Variants in PCDHA1 observed in about 807,000 individuals in gnomAD.
The protein encoded by PCDHA1 is protocadherin alpha-1.
Under a neutral mutation model 61.3 loss-of-function variants are expected in PCDHA1, and 42 were observed. The observed-to-expected ratio is 0.69, with a 90% CI of 0.54 to 0.89. The LOEUF (loss-of-function observed/expected upper bound fraction) is 0.89. PCDHA1 is among the 40% of genes least tolerant of loss of function. The pLI, the probability that PCDHA1 is intolerant of heterozygous loss-of-function variation, is 0.00. For synonymous variants in PCDHA1, 610 were observed against 553.8 expected (o/e 1.10, Z -1.43); for missense variants, 1,256 against 1,235.3 (o/e 1.02, Z -0.25).
intron 1 of PCDHA1, chr5:140,881,499 C>A: frequency 3.8e-6 from 1 of 261,884 alleles, no homozygotes; most frequent in Non-Finnish European, 5.9e-6. Context: ...TGCACATACA[C>A]ACACTCACAT....
intron 3 of PCDHA1, among the ~76,000 whole-genome samples, chr5:141,000,391 C>CTA (rs2097912428): frequency 7.9e-4 from 45 of 56,656 alleles, no homozygotes; most frequent in East Asian, 1.2e-3. Flanking sequence ...CTCTCTCTCT[C>CTA]TCTCTATATA....
Position 140,982,613 on chromosome 5 carries a change from A to G in PCDHA1, c.2542+50A>G, listed in dbSNP as rs201150239. ...CTTTCTTGGTTTCTGGAAAGTGATC[A>G]GATGACCTACTTTTGTAAGATCAGG... On this transcript the variant is annotated intron_variant, in intron 3 of 3. Transcript: ENST00000504120. 2.7e-5 allele frequency: 43 copies of G among 1,599,298 alleles called. No individual in the cohort carries two copies. The Admixed American group carries it at 7.0e-4, about 26-fold the overall frequency.
chr5:140,882,583 C>A, intron 1 of PCDHA1: 1 of 1,614,232 alleles, frequency 6.2e-7, no homozygotes, highest in Non-Finnish European at 8.5e-7. Flanking sequence ...GCAGCATCCA[C>A]CTGGAGGTGA....
intron 1 of PCDHA1, chr5:140,829,800 T>A (rs2150175020): frequency 1.9e-6 from 3 of 1,613,688 alleles, no homozygotes; most frequent in East Asian, 2.2e-5. Flanking sequence ...GCGCCTCGGG[T>A]GGGTGGTACT....
intron 1 of PCDHA1, chr5:140,795,028 G>T: frequency 6.2e-7 from 1 of 1,613,798 alleles, no homozygotes; most frequent in Middle Eastern, 1.6e-4. Flanking sequence ...TCTGCTCCTC[G>T]CAGCCTGGGA....
intron 1 of PCDHA1, chr5:140,884,468 C>T (rs925441051): frequency 2.5e-6 from 4 of 1,613,762 alleles, no homozygotes; most frequent in Non-Finnish European, 3.4e-6. Flanking sequence ...CGCGTGCGCG[C>T]CGGGCAAGCC....
At chr5:140,860,209 G>A (rs1263350528) in intron 1 of PCDHA1, 13 of 147,554 alleles carry the variant, frequency 8.8e-5, no homozygotes, top group Middle Eastern at 7.1e-3. Context: ...ATCTATATAT[G>A]TACTTATGTA....
chr5:140,848,112 A>G, intron 1 of PCDHA1: 1 of 176,234 alleles, frequency 5.7e-6, no homozygotes, highest in South Asian at 1.5e-4. Context: ...GGATAAGAAA[A>G]CCACAATCAA....
At chr5:140,867,441 G>C (rs1188505395) in intron 1 of PCDHA1, 1 of 152,032 alleles carries the variant, frequency 6.6e-6, no homozygotes, top group Non-Finnish European at 1.5e-5. Flanking sequence ...GCATTTACCT[G>C]AATTAGAGTT....
intron 1 of PCDHA1, chr5:140,801,260 C>G (rs1290805371): frequency 1.2e-6 from 2 of 1,613,632 alleles, no homozygotes; most frequent in Non-Finnish European, 1.7e-6. Context: ...TTCTGCTCCT[C>G]GCAGCCTCGG....
intron 1 of PCDHA1, chr5:140,823,596 G>T (rs2150127281): frequency 6.2e-7 from 1 of 1,614,020 alleles, no homozygotes; most frequent in Non-Finnish European, 8.5e-7. Flanking sequence ...CTTGGCTTTC[G>T]TATGAGCTGC....
intron 1 of PCDHA1, chr5:140,822,289 A>T: frequency 1.2e-6 from 2 of 1,614,240 alleles, no homozygotes; most frequent in Admixed American, 1.7e-5. Flanking sequence ...ATACAGGTTA[A>T]ATCCAAACGA....
intron 1 of PCDHA1, among the ~76,000 whole-genome samples, chr5:140,898,272 A>T (rs13177412): frequency 6.6e-6 from 1 of 152,110 alleles, no homozygotes; most frequent in Non-Finnish European, 1.5e-5. Flanking sequence ...CCCATGCCTA[A>T]GTTCTGAATG....
rs782073984 is a variant in PCDHA1, at chr5:140,808,236, T to C, written c.2394+19552T>C. 3 of 1,614,250 alleles carry C rather than the reference T, an allele frequency of 1.9e-6. No homozygotes were observed. The South Asian group carries it at 3.3e-5, about 18-fold the overall frequency. ...GACAACAACGATAATGTCCCAGATTTGGAATTCAAGTCTTTATCACTTCCA... is the reference window on the plus strand; with the variant it reads ...GACAACAACGATAATGTCCCAGATTCGGAATTCAAGTCTTTATCACTTCCA... On this transcript the variant is annotated intron_variant, in intron 1 of 3. Transcript: ENST00000504120.
At chr5:140,822,919 G>A (rs2150120383) in intron 1 of PCDHA1, 7 of 1,614,112 alleles carry the variant, frequency 4.3e-6, no homozygotes, top group Non-Finnish European at 5.9e-6. Flanking sequence ...AGGTGCCAAC[G>A]GGCAGGTGAC....
chr5:140,841,165 C>A (rs1343151176), intron 1 of PCDHA1: 4 of 935,830 alleles, frequency 4.3e-6, no homozygotes, highest in Admixed American at 2.9e-5. Context: ...CCAAGAAGTT[C>A]TGGTTGGTCA....
At chr5:140,834,250 A>G in intron 1 of PCDHA1, 1 of 907,572 alleles carries the variant, frequency 1.1e-6, no homozygotes, top group Non-Finnish European at 1.7e-6. Context: ...CGCACTGGAA[A>G]GACGCTCCAC....
intron 1 of PCDHA1, chr5:140,807,118 G>T: frequency 6.5e-7 from 1 of 1,530,054 alleles, no homozygotes; most frequent in South Asian, 1.3e-5. Context: ...GCACTTGACT[G>T]ACCGATTAAA....
chr5:140,803,496 ACCGAC>A (rs1763217620), intron 1 of PCDHA1: 1 of 1,614,106 alleles, frequency 6.2e-7, no homozygotes, highest in African/African-American at 1.3e-5. Flanking sequence ...GTTGCCCAAG[ACCGAC>A]CTCATGGCTT....
Sources: gnomAD v4.1 joint callset for allele counts (sites outside exome capture counted in the v4.1 genomes callset) on GRCh38, gnomAD v4.1.1 for gene constraint, MANE v1.5 for transcripts, NCBI Gene and HGNC (gene_info 2026-07-23, HGNC 2026-07-21) for gene names.